The following MDGA2 variants were observed in gnomAD, a reference collection of about 807,000 sequenced individuals.
MDGA2 encodes MAM domain-containing glycosylphosphatidylinositol anchor protein 2.
MDGA2 carries 40 observed loss-of-function variants against 117.8 expected under a neutral mutation model. That is an observed-to-expected ratio of 0.34 (90% CI 0.26 to 0.44). The LOEUF is 0.44. Among genes scored for constraint, MDGA2 ranks in the 20% least tolerant of loss-of-function variants. The probability of loss-of-function intolerance (pLI) is 1.00; values close to 1 mark genes in which losing one functional copy is unlikely to be tolerated. For missense variants in MDGA2, 1,123 were observed against 1,250.6 expected (o/e 0.90, Z 1.54); for synonymous variants, 452 against 439.0 (o/e 1.03, Z -0.37).
chr14:46,870,656 G>A (rs1363289137), intron 14 of MDGA2, among the ~76,000 whole-genome samples: 1 of 151,854 alleles, frequency 6.6e-6, no homozygotes, highest in Non-Finnish European at 1.5e-5. Context: ...ATGAAGCAAA[G>A]AAATGACATA....
rs34478677 is a variant in MDGA2 at position 46,931,525 on chromosome 14, C to CTTTTTTTTT, written c.2090-11374_2090-11366dup. Among the ~76,000 whole-genome samples the CTTTTTTTTT allele has an allele frequency of 2.3e-5, 3 of 128,922 alleles. 1 individual carries two copies. Among genetic ancestry groups the CTTTTTTTTT allele is most frequent in the Non-Finnish European group, 1.6e-5 (1 of 62,710 alleles). 84.6% of individuals were successfully genotyped at this position (128,922 alleles called of 152,430 possible). On this transcript the variant is annotated intron_variant, in intron 9 of 16. Coordinates refer to ENST00000399232, the MANE Select transcript of MDGA2 (RefSeq NM_001113498.3). Reference sequence around the variant, plus strand: ...TCCAATTGCTTTTAGTTTATTTTTGCTTTTTTTTTTTTTTTGAGATGGAGT... The same window carrying CTTTTTTTTT: ...TCCAATTGCTTTTAGTTTATTTTTGCTTTTTTTTTTTTTTTTTTTTTTTTGAGATGGAGT...
intron 1 of MDGA2, among the ~76,000 whole-genome samples, chr14:47,404,125 A>G (rs972604279): frequency 3.9e-5 from 6 of 152,008 alleles, no homozygotes; most frequent in African/African-American, 1.4e-4. Context: ...TTATTTTGTT[A>G]TAGAGAGTCA....
Position 47,187,265 on chromosome 14 carries a change from C to T in MDGA2, c.595+30756G>A, listed in dbSNP as rs964804959. Among the ~76,000 whole-genome samples, 4 of 151,826 alleles carry T rather than the reference C, an allele frequency of 2.6e-5. No homozygotes were observed. The East Asian group carries it at 7.7e-4, about 29-fold the overall frequency. On this transcript the variant is annotated intron_variant, in intron 3 of 16. Coordinates refer to ENST00000399232, the MANE Select transcript of MDGA2 (RefSeq NM_001113498.3). ...AAATCCCAGCAACACTTAATATATA[C>T]AATAAGCATAATCATAAGATAGGCT...
chr14:47,386,700 T>C (rs1480077898), intron 1 of MDGA2, among the ~76,000 whole-genome samples: 2 of 152,088 alleles, frequency 1.3e-5, no homozygotes, highest in African/African-American at 4.8e-5. Flanking sequence ...TAATAATAAA[T>C]AATAATAAGA....
At chr14:47,281,278 A>C (rs1050273747) in intron 2 of MDGA2, among the ~76,000 whole-genome samples, 1 of 151,926 alleles carries the variant, frequency 6.6e-6, no homozygotes, top group African/African-American at 2.4e-5. Context: ...ATTAATCTAT[A>C]AAATTCACCC....
intron 1 of MDGA2, among the ~76,000 whole-genome samples, chr14:47,437,772 T>A (rs577071122): frequency 2.6e-5 from 4 of 152,276 alleles, no homozygotes; most frequent in Admixed American, 2.6e-4. Context: ...GAAAAACACA[T>A]GCAAATTTTG....
intron 1 of MDGA2, among the ~76,000 whole-genome samples, chr14:47,605,928 A>C (rs887980919): frequency 2.0e-5 from 3 of 152,126 alleles, no homozygotes; most frequent in Admixed American, 6.6e-5. Flanking sequence ...GTCCACACAA[A>C]GGGCCATCTC....
At chr14:47,635,064 T>C (rs1463647866) in intron 1 of MDGA2, among the ~76,000 whole-genome samples, 1 of 152,132 alleles carries the variant, frequency 6.6e-6, no homozygotes, top group Non-Finnish European at 1.5e-5. Context: ...TGCTGAACAT[T>C]AAATGTTTTT....
At chr14:47,636,959 G>A (rs572947455) in intron 1 of MDGA2, among the ~76,000 whole-genome samples, 24 of 151,052 alleles carry the variant, frequency 1.6e-4, no homozygotes, top group African/African-American at 4.9e-4. Context: ...GTGACAGAGC[G>A]AGACTCTGTC....
At chr14:47,035,541 T>C (rs1888815990) in intron 7 of MDGA2, among the ~76,000 whole-genome samples, 1 of 152,214 alleles carries the variant, frequency 6.6e-6, no homozygotes, top group Non-Finnish European at 1.5e-5. Flanking sequence ...GGCATTCAAT[T>C]GAAAAATGGT....
chr14:47,376,368 T>C (rs941882248), intron 1 of MDGA2, among the ~76,000 whole-genome samples: 6 of 152,158 alleles, frequency 3.9e-5, no homozygotes, highest in Non-Finnish European at 8.8e-5. Flanking sequence ...CCAGTATACA[T>C]ACAGGCCAAT....
intron 6 of MDGA2, among the ~76,000 whole-genome samples, chr14:47,065,321 G>A (rs1296585733): frequency 6.6e-6 from 1 of 152,076 alleles, no homozygotes; most frequent in East Asian, 1.9e-4. Flanking sequence ...CTACACAGAT[G>A]TGCTGTGTAA....
intron 5 of MDGA2, among the ~76,000 whole-genome samples, chr14:47,117,975 A>T (rs1881423934): frequency 6.6e-6 from 1 of 152,182 alleles, no homozygotes; most frequent in African/African-American, 2.4e-5. Context: ...AAGGAGAGGG[A>T]TTTAGTTCCA....
chr14:47,213,558 T>A (rs1020108880), intron 3 of MDGA2, among the ~76,000 whole-genome samples: 9 of 152,152 alleles, frequency 5.9e-5, no homozygotes, highest in Admixed American at 4.6e-4. Flanking sequence ...AAATGTTTGA[T>A]CTGCTAGATA....
At chr14:46,851,854 T>C (rs1173974361) in intron 15 of MDGA2, among the ~76,000 whole-genome samples, 1 of 151,630 alleles carries the variant, frequency 6.6e-6, no homozygotes, top group African/African-American at 2.4e-5. Context: ...AGACGTTACA[T>C]ACCAAATAAA....
At chr14:47,132,418 CGTGA>C (rs1337648084) in intron 4 of MDGA2, among the ~76,000 whole-genome samples, 1 of 151,856 alleles carries the variant, frequency 6.6e-6, no homozygotes, top group Non-Finnish European at 1.5e-5. Flanking sequence ...AAGAAGCATT[CGTGA>C]GTGTTTCTAT....
chr14:47,335,010 AATT>A (rs1890398725), intron 1 of MDGA2, among the ~76,000 whole-genome samples: 1 of 151,876 alleles, frequency 6.6e-6, no homozygotes, highest in Non-Finnish European at 1.5e-5. Flanking sequence ...ATAGCAGTAA[AATT>A]ATTATTTGTT....
intron 1 of MDGA2, among the ~76,000 whole-genome samples, chr14:47,528,464 T>C (rs1447498401): frequency 6.6e-6 from 1 of 152,230 alleles, no homozygotes; most frequent in South Asian, 2.1e-4. Context: ...TCAGTGGCTG[T>C]TGAAACTTGT....
chr14:47,113,489 T>A (rs965505998), intron 5 of MDGA2, among the ~76,000 whole-genome samples: 1 of 152,182 alleles, frequency 6.6e-6, no homozygotes, highest in African/African-American at 2.4e-5. Flanking sequence ...ATATCTCTGA[T>A]GAACATCCAT....
Sources: gnomAD v4.1 joint callset for allele counts (sites outside exome capture counted in the v4.1 genomes callset) on GRCh38, gnomAD v4.1.1 for gene constraint, MANE v1.5 for transcripts, NCBI Gene and HGNC (gene_info 2026-07-23, HGNC 2026-07-21) for gene names.